CNTN5: variants seen among roughly 807,000 people sequenced by gnomAD.
The protein encoded by CNTN5 is contactin 5, also known as contactin-5.
In CNTN5, 77 loss-of-function variants were observed where a neutral mutation model predicts 129.1. The ratio of observed to expected loss-of-function variants is 0.60; its 90% CI spans 0.50 to 0.72. CNTN5 has a LOEUF of 0.72. CNTN5 is among the 30% of genes least tolerant of loss of function. CNTN5 has a pLI of 0.00. For synonymous variants in CNTN5, 509 were observed against 465.6 expected (o/e 1.09, Z -1.20); for missense variants, 1,478 against 1,328.8 (o/e 1.11, Z -1.75).
At chr11:99,533,782 A>C (rs1204288865) in intron 2 of CNTN5, among the ~76,000 whole-genome samples, 5 of 152,190 alleles carry the variant, frequency 3.3e-5, no homozygotes, top group African/African-American at 9.7e-5. Context: ...TGTTGGAGGG[A>C]AACTATGGCC....
In CNTN5 at chr11:99,857,381, A is replaced by G. The variant is rs528597030; in HGVS notation, c.577+12119A>G. Among the ~76,000 whole-genome samples the G allele has an allele frequency of 3.2e-4, 48 of 152,292 alleles. 1 individual carries two copies. In the South Asian group the frequency reaches 9.9e-3, roughly 32 times the overall value. On this transcript the variant is annotated intron_variant, in intron 6 of 24. Coordinates refer to ENST00000524871, the MANE Select transcript of CNTN5 (RefSeq NM_014361.4). ...AGTACCACAGTAGCCACTACCCTCA[A>G]AAAGAATTCCCTTATGACACCTATG... is the stretch of plus-strand genomic sequence containing the variant.
chr11:100,017,820 A>T (rs1940912300), intron 9 of CNTN5, among the ~76,000 whole-genome samples: 1 of 142,730 alleles, frequency 7.0e-6, no homozygotes, highest in Non-Finnish European at 1.5e-5. Flanking sequence ...TTGAAATACA[A>T]AGGAAGCTAG....
chr11:99,474,115 C>G (rs1945279755), intron 2 of CNTN5, among the ~76,000 whole-genome samples: 1 of 151,936 alleles, frequency 6.6e-6, no homozygotes. Context: ...AAAAATATCT[C>G]CAGTCTATAA....
intron 4 of CNTN5, among the ~76,000 whole-genome samples, chr11:99,833,247 G>A (rs1270231106): frequency 6.6e-6 from 1 of 152,110 alleles, no homozygotes; most frequent in Admixed American, 6.6e-5. Context: ...GAGAGGACCG[G>A]ACACTAACTT....
intron 18 of CNTN5, among the ~76,000 whole-genome samples, chr11:100,282,855 C>T (rs1488332502): frequency 2.6e-5 from 4 of 152,124 alleles, no homozygotes; most frequent in Non-Finnish European, 1.5e-5. Flanking sequence ...AGCCTCACCA[C>T]GTGGCCACTG....
chr11:99,844,061 C>T (rs1410741142), intron 4 of CNTN5, among the ~76,000 whole-genome samples: 2 of 152,160 alleles, frequency 1.3e-5, no homozygotes, highest in Non-Finnish European at 2.9e-5. Flanking sequence ...GTTTCACTTT[C>T]TTCATGAAAT....
chr11:99,430,516 C>CTA (rs1464739987), intron 2 of CNTN5, among the ~76,000 whole-genome samples: 2 of 149,396 alleles, frequency 1.3e-5, no homozygotes, highest in African/African-American at 2.4e-5. Context: ...TTTTCTCTCT[C>CTA]TATATATATA....
At chr11:99,488,362 G>T (rs1433071369) in intron 2 of CNTN5, among the ~76,000 whole-genome samples, 1 of 86,690 alleles carries the variant, frequency 1.2e-5, no homozygotes, top group African/African-American at 3.6e-5. Flanking sequence ...TAGTAGAGAC[G>T]GGGTTTCACC....
intron 3 of CNTN5, among the ~76,000 whole-genome samples, chr11:99,698,671 C>G (rs570227914): frequency 6.6e-6 from 1 of 151,496 alleles, no homozygotes; most frequent in East Asian, 1.9e-4. Flanking sequence ...GCCTGACAAA[C>G]CAATACTCCC....
chr11:99,251,827 C>T (rs1264257352), intron 1 of CNTN5, among the ~76,000 whole-genome samples: 1 of 151,890 alleles, frequency 6.6e-6, no homozygotes, highest in Non-Finnish European at 1.5e-5. Context: ...CTTCCTTTAT[C>T]CATGGCTATA....
chr11:99,436,021 G>A (rs1169180640), intron 2 of CNTN5, among the ~76,000 whole-genome samples: 1 of 152,130 alleles, frequency 6.6e-6, no homozygotes, highest in African/African-American at 2.4e-5. Flanking sequence ...ACATTTCAAG[G>A]TTGAAATGTT....
intron 2 of CNTN5, among the ~76,000 whole-genome samples, chr11:99,332,087 G>C (rs1866023675): frequency 6.6e-6 from 1 of 152,052 alleles, no homozygotes; most frequent in Non-Finnish European, 1.5e-5. Flanking sequence ...GGGGTGATTT[G>C]TTATATAGCA....
intron 18 of CNTN5, among the ~76,000 whole-genome samples, chr11:100,287,623 G>A (rs1397148221): frequency 6.6e-6 from 1 of 151,360 alleles, no homozygotes; most frequent in Non-Finnish European, 1.5e-5. Flanking sequence ...AACATGGAAA[G>A]GAACAACCGG....
At chr11:99,384,807 T>C (rs1259302241) in intron 2 of CNTN5, among the ~76,000 whole-genome samples, 1 of 152,220 alleles carries the variant, frequency 6.6e-6, no homozygotes, top group Non-Finnish European at 1.5e-5. Context: ...ATGTGATGTT[T>C]TGATATGTCT....
At chr11:100,217,447 T>C (rs971379625) in intron 15 of CNTN5, among the ~76,000 whole-genome samples, 7 of 152,226 alleles carry the variant, frequency 4.6e-5, no homozygotes, top group Admixed American at 4.6e-4. Flanking sequence ...ATTGTGCATG[T>C]GCTATAAGCA....
intron 3 of CNTN5, among the ~76,000 whole-genome samples, chr11:99,651,015 T>C (rs2135879958): frequency 6.6e-6 from 1 of 152,090 alleles, no homozygotes; most frequent in East Asian, 1.9e-4. Context: ...AGAAATTGTC[T>C]CATCGTTTCT....
intron 13 of CNTN5, among the ~76,000 whole-genome samples, chr11:100,179,202 G>A (rs888371770): frequency 4.6e-5 from 7 of 150,830 alleles, no homozygotes; most frequent in Non-Finnish European, 8.8e-5. Flanking sequence ...ATTAACTATC[G>A]TCATCTCCAC....
At chr11:99,288,352 A>G (rs974526568) in intron 1 of CNTN5, among the ~76,000 whole-genome samples, 4 of 151,926 alleles carry the variant, frequency 2.6e-5, no homozygotes, top group Non-Finnish European at 4.4e-5. Flanking sequence ...GAATGTTCCA[A>G]TGGTTCTCTG....
chr11:100,110,422 T>C (rs1945614526), intron 13 of CNTN5, among the ~76,000 whole-genome samples: 1 of 151,806 alleles, frequency 6.6e-6, no homozygotes, highest in African/African-American at 2.4e-5. Flanking sequence ...TAATATAGGA[T>C]TGCTATTTTT....
Sources: allele counts gnomAD v4.1 joint callset (sites outside exome capture counted in the v4.1 genomes callset), GRCh38; gene constraint gnomAD v4.1.1; transcripts MANE v1.5; gene names NCBI Gene and HGNC (gene_info 2026-07-23, HGNC 2026-07-21).